Variants in ATXN7L1 observed in about 807,000 individuals in gnomAD.
ATXN7L1 encodes ataxin 7 like 1.
A neutral mutation model predicts 70.8 loss-of-function variants in ATXN7L1; 15 were observed. The ratio of observed to expected loss-of-function variants is 0.21; its 90% CI spans 0.14 to 0.33. The LOEUF (loss-of-function observed/expected upper bound fraction) is 0.33, where lower values mean the gene tolerates loss of function less well. ATXN7L1 is among the 10% of genes least tolerant of loss of function. The pLI, the probability that ATXN7L1 is intolerant of heterozygous loss-of-function variation, is 1.00. For synonymous variants in ATXN7L1, 440 were observed against 445.1 expected (o/e 0.99, Z 0.14); for missense variants, 975 against 1,097.1 (o/e 0.89, Z 1.57).
intron 4 of ATXN7L1, among the ~76,000 whole-genome samples, chr7:105,656,926 T>A (rs1800745075): frequency 6.6e-6 from 1 of 152,106 alleles, no homozygotes; most frequent in Non-Finnish European, 1.5e-5. Flanking sequence ...AAGGAGAAAA[T>A]AACAAAACCA....
intron 6 of ATXN7L1, among the ~76,000 whole-genome samples, 188 bp downstream of exon 6, chr7:105,639,299 T>C (rs867003516): frequency 4.0e-5 from 6 of 151,206 alleles, no homozygotes; most frequent in Admixed American, 3.3e-4. Context: ...TTTCTCCTTC[T>C]TAAAAAGCCA....
At chr7:105,707,066 G>A (rs1163037516) in intron 3 of ATXN7L1, among the ~76,000 whole-genome samples, 1 of 152,192 alleles carries the variant, frequency 6.6e-6, no homozygotes, top group African/African-American at 2.4e-5. Context: ...CTACTCCGAT[G>A]GATGCCAGTT....
chr7:105,699,035 G>C (rs1227229448), intron 3 of ATXN7L1, among the ~76,000 whole-genome samples: 1 of 152,162 alleles, frequency 6.6e-6, no homozygotes, highest in Non-Finnish European at 1.5e-5. Context: ...GGAGAAGGCA[G>C]AAAGCCTTTC....
intron 3 of ATXN7L1, among the ~76,000 whole-genome samples, chr7:105,731,880 G>A (rs1367991925): frequency 6.7e-6 from 1 of 149,886 alleles, no homozygotes; most frequent in Non-Finnish European, 1.5e-5. Flanking sequence ...ATCACCTGAG[G>A]TCAGGAGTTT....
At chr7:105,626,166 AT>A (rs1480437405) in intron 7 of ATXN7L1, among the ~76,000 whole-genome samples, 2 of 152,266 alleles carry the variant, frequency 1.3e-5, no homozygotes, top group African/African-American at 4.8e-5. Flanking sequence ...ACAAGATAAA[AT>A]ATGGTATATC....
At chr7:105,631,795 C>A (rs1796637581) in intron 7 of ATXN7L1, among the ~76,000 whole-genome samples, 1 of 152,160 alleles carries the variant, frequency 6.6e-6, no homozygotes, top group South Asian at 2.1e-4. Flanking sequence ...AACAAGAGAG[C>A]AAAGGTTTAC....
At chr7:105,767,548 C>A (rs1052356543) in intron 3 of ATXN7L1, among the ~76,000 whole-genome samples, 1 of 152,210 alleles carries the variant, frequency 6.6e-6, no homozygotes, top group African/African-American at 2.4e-5. Context: ...AAGTGCCTTG[C>A]TGTGTTTAAG....
chr7:105,853,624 C>T (rs910281950), intron 2 of ATXN7L1, among the ~76,000 whole-genome samples: 1 of 151,142 alleles, frequency 6.6e-6, no homozygotes, highest in Non-Finnish European at 1.5e-5. Flanking sequence ...ATGAGCTGGG[C>T]GTGGTGGTGG....
At chr7:105,673,335 T>A (rs1426493723) in intron 3 of ATXN7L1, among the ~76,000 whole-genome samples, 1 of 152,180 alleles carries the variant, frequency 6.6e-6, no homozygotes, top group Non-Finnish European at 1.5e-5. Flanking sequence ...CCCTGCACCA[T>A]TTTTAGAAAG....
At chr7:105,648,913 C>T (rs1181471717) in intron 4 of ATXN7L1, among the ~76,000 whole-genome samples, 1 of 151,578 alleles carries the variant, frequency 6.6e-6, no homozygotes, top group African/African-American at 2.4e-5. Context: ...ATCACAGTAA[C>T]GCAAACACCT....
At chr7:105,860,702 T>C (rs938047052) in intron 2 of ATXN7L1, among the ~76,000 whole-genome samples, 1 of 152,164 alleles carries the variant, frequency 6.6e-6, no homozygotes, top group Non-Finnish European at 1.5e-5. Context: ...ACTTTACACT[T>C]GAAAATGGTT....
chr7:105,872,825 A>C (rs1818461198), intron 2 of ATXN7L1, among the ~76,000 whole-genome samples: 2 of 151,700 alleles, frequency 1.3e-5, no homozygotes, highest in African/African-American at 2.4e-5. Flanking sequence ...ATTTTATGCT[A>C]TGTATATTTT....
intron 6 of ATXN7L1, among the ~76,000 whole-genome samples, chr7:105,638,986 C>T (rs1797762984): frequency 6.6e-6 from 1 of 152,164 alleles, no homozygotes; most frequent in Admixed American, 6.5e-5. Context: ...GGGCCATCGC[C>T]TTGATCCCAA....
intron 2 of ATXN7L1, among the ~76,000 whole-genome samples, chr7:105,872,032 G>A (rs1007516431): frequency 9.4e-5 from 14 of 149,406 alleles, no homozygotes; most frequent in African/African-American, 2.5e-4. Context: ...TCGCTCTTTC[G>A]CCCAGGCTGG....
Position 105,614,626 on chromosome 7 carries a change from T to C in ATXN7L1, c.1708A>G (p.Thr570Ala), listed in dbSNP as rs1307004517. 1.3e-6 allele frequency: 2 copies of C among 1,551,656 alleles called. No homozygotes were observed. The highest frequency in any genetic ancestry group is 1.4e-5 in the African/African-American group (1 of 72,982). The change falls in exon 10 of 12, where the codon ACA becomes GCA. Residue 570 changes from threonine to alanine, a missense_variant. Transcript: ENST00000419735. This position sits in a 1 kb window ranked among gnomAD's most constrained non-coding sequence, Gnocchi z 4.3. ...ATGAGGGCGCTCGGGTCCGGCGATG[T>C]CACGAAAGCTGCGTTTGAGAGCATG... Reference protein sequence around the residue: ...SAMLSNAAFVTSPDPSALMSH... With the variant: ...SAMLSNAAFVASPDPSALMSH...
At chr7:105,868,532 C>T (rs529780439) in intron 2 of ATXN7L1, among the ~76,000 whole-genome samples, 1 of 152,298 alleles carries the variant, frequency 6.6e-6, no homozygotes, top group African/African-American at 2.4e-5. Flanking sequence ...ACATGGACAG[C>T]TCTCTAAGAT....
At chr7:105,712,771 T>G (rs2116274648) in intron 3 of ATXN7L1, among the ~76,000 whole-genome samples, 1 of 152,336 alleles carries the variant, frequency 6.6e-6, no homozygotes, top group East Asian at 1.9e-4. Context: ...CTCTAGGAAG[T>G]TCCAGACTGT....
intron 2 of ATXN7L1, among the ~76,000 whole-genome samples, chr7:105,794,457 A>G (rs1805701662): frequency 6.6e-6 from 1 of 152,172 alleles, no homozygotes; most frequent in African/African-American, 2.4e-5. Flanking sequence ...ACAAACCAGG[A>G]CTTCTTCCCG....
chr7:105,756,211 T>C (rs1023287253), intron 3 of ATXN7L1, among the ~76,000 whole-genome samples: 3 of 152,140 alleles, frequency 2.0e-5, no homozygotes, highest in Admixed American at 2.0e-4. Flanking sequence ...TGCATGCCAA[T>C]ATGTCCAAAT....
Sources: allele counts gnomAD v4.1 joint callset (sites outside exome capture counted in the v4.1 genomes callset), GRCh38; gene constraint gnomAD v4.1.1; non-coding constraint Gnocchi (gnomAD v3.1); transcripts MANE v1.5; gene names NCBI Gene and HGNC (gene_info 2026-07-23, HGNC 2026-07-21).